Variants in MAST4 observed in about 807,000 individuals in gnomAD.
MAST4 encodes the protein microtubule associated serine/threonine kinase family member 4.
A neutral mutation model predicts 162.7 loss-of-function variants in MAST4; 89 were observed. The ratio of observed to expected loss-of-function variants is 0.55; its 90% CI spans 0.46 to 0.65. The LOEUF (loss-of-function observed/expected upper bound fraction) is 0.65. MAST4 is among the 30% of genes least tolerant of loss of function. The pLI is 0.00. For missense variants in MAST4, 3,153 were observed against 3,374.0 expected, an observed-to-expected ratio of 0.93 and a Z score of 1.62; for synonymous variants, 1,479 against 1,361.1, an observed-to-expected ratio of 1.09 and a Z score of -1.91.
intron 2 of MAST4, among the ~76,000 whole-genome samples, chr5:66,778,548 T>C (rs1754706995): frequency 6.6e-6 from 1 of 152,238 alleles, no homozygotes; most frequent in South Asian, 2.1e-4. Context: ...GAAATAGTTT[T>C]TTTATGAACA....
chr5:66,603,832 A>G (rs1425929340), intron 1 of MAST4, among the ~76,000 whole-genome samples: 1 of 152,210 alleles, frequency 6.6e-6, no homozygotes. Context: ...TAACATTTAC[A>G]CAACTTTGCA....
At chr5:66,976,888 A>G (rs977950090) in intron 4 of MAST4, among the ~76,000 whole-genome samples, 2 of 152,186 alleles carry the variant, frequency 1.3e-5, no homozygotes, top group African/African-American at 4.8e-5. Context: ...TCTAGTAGCC[A>G]CTGACCCCTA....
intron 1 of MAST4, among the ~76,000 whole-genome samples, chr5:66,758,451 C>G (rs956227824): frequency 2.0e-5 from 3 of 151,824 alleles, no homozygotes; most frequent in African/African-American, 7.3e-5. Flanking sequence ...GGGTCTTGCT[C>G]TGTTGCTCAT....
chr5:67,089,304 C>G (rs1182870510), intron 5 of MAST4, among the ~76,000 whole-genome samples: 1 of 152,198 alleles, frequency 6.6e-6, no homozygotes, highest in East Asian at 1.9e-4. Flanking sequence ...CCCTCGCCAG[C>G]TGCTGGCCAA....
chr5:66,800,579 A>T (rs552764302), intron 3 of MAST4, among the ~76,000 whole-genome samples: 1 of 152,114 alleles, frequency 6.6e-6, no homozygotes, highest in Non-Finnish European at 1.5e-5. Context: ...GATCAGGAAA[A>T]ATAACTAATG....
intron 3 of MAST4, among the ~76,000 whole-genome samples, chr5:66,842,531 G>A (rs1758503746): frequency 1.3e-5 from 2 of 152,034 alleles, no homozygotes; most frequent in African/African-American, 2.4e-5. Context: ...ACATTAGCTG[G>A]TAGCTCCTGG....
chr5:67,133,762 G>C lies in MAST4; in HGVS notation c.2226+116G>C, dbSNP rs904445216. 4.4e-6 allele frequency: 5 copies of C among 1,124,648 alleles called. No individual in the cohort carries two copies. In the Admixed American group the frequency reaches 1.3e-4, roughly 29 times the overall value. The allele number at this position is 1,124,648 out of a possible 1,614,324, so 69.7% of individuals were successfully genotyped here. A position where few individuals can be genotyped will look rare whatever the true frequency, so the allele number is the denominator to read the frequency against. On this transcript the variant is annotated intron_variant, in intron 17 of 28. Transcript: ENST00000403625. The stretch of plus-strand genomic sequence containing the variant: ...ATTAGTGCTGGTGGTTTAGATGTCT[G>C]TATAAACCTTACATTTAATAAAGTG...
intron 4 of MAST4, among the ~76,000 whole-genome samples, chr5:66,981,677 T>C (rs1453499476): frequency 6.6e-6 from 1 of 152,208 alleles, no homozygotes; most frequent in South Asian, 2.1e-4. Flanking sequence ...TAAACAGATT[T>C]GGGTTTTTGA....
chr5:66,849,815 A>G (rs996206506), intron 3 of MAST4, among the ~76,000 whole-genome samples: 2 of 152,198 alleles, frequency 1.3e-5, no homozygotes, highest in African/African-American at 4.8e-5. Context: ...GAGCTGTTCC[A>G]TTAGGAATCT....
chr5:66,776,121 A>C (rs1358586612), intron 2 of MAST4, among the ~76,000 whole-genome samples: 3 of 152,104 alleles, frequency 2.0e-5, no homozygotes, highest in Non-Finnish European at 4.4e-5. Flanking sequence ...GGAAATTTAG[A>C]CTTGTCTGGA....
intron 1 of MAST4, among the ~76,000 whole-genome samples, chr5:66,603,271 T>C (rs1742667538): frequency 6.6e-6 from 1 of 152,232 alleles, no homozygotes; most frequent in African/African-American, 2.4e-5. Context: ...TCATTAACCC[T>C]TCTGTTAAGA....
chr5:66,675,182 C>T (rs1338751152), intron 1 of MAST4, among the ~76,000 whole-genome samples: 2 of 152,208 alleles, frequency 1.3e-5, no homozygotes, highest in Admixed American at 1.3e-4. Flanking sequence ...TGTGCTCTAG[C>T]TGCCTGTGTT....
intron 3 of MAST4, among the ~76,000 whole-genome samples, chr5:66,796,141 C>T (rs541569957): frequency 6.6e-6 from 1 of 152,230 alleles, no homozygotes; most frequent in Admixed American, 6.5e-5. Context: ...GTCTGTAAAT[C>T]AAAGATCAGC....
chr5:66,735,302 G>T (rs1752092590), intron 1 of MAST4, among the ~76,000 whole-genome samples: 1 of 152,168 alleles, frequency 6.6e-6, no homozygotes, highest in Non-Finnish European at 1.5e-5. Flanking sequence ...GGTTAAAAAT[G>T]TAGATCTCAC....
At chr5:66,906,186 T>C (rs1316410048) in intron 4 of MAST4, among the ~76,000 whole-genome samples, 2 of 152,224 alleles carry the variant, frequency 1.3e-5, no homozygotes, top group African/African-American at 4.8e-5. Flanking sequence ...TTAAGATCTC[T>C]GTTTTAACGT....
intron 4 of MAST4, among the ~76,000 whole-genome samples, chr5:67,025,769 G>A (rs888787909): frequency 6.6e-6 from 1 of 152,212 alleles, no homozygotes; most frequent in African/African-American, 2.4e-5. Context: ...TTAAAACAAA[G>A]AAGAACTATA....
rs745712107 is a variant in MAST4 at position 67,095,686 on chromosome 5, G to A, written c.912+11G>A. On this transcript the variant is annotated intron_variant, in intron 7 of 28. Transcript: ENST00000403625. ...AGCTCTACGGTCTCTGTAAGTGCCTGACTTTTTTTTTTTTTTTCTCTTCCT... is the reference window on the plus strand; with the variant it reads ...AGCTCTACGGTCTCTGTAAGTGCCTAACTTTTTTTTTTTTTTTCTCTTCCT... The A allele has an allele frequency of 2.6e-6, 4 of 1,528,268 alleles. No individual in the cohort carries two copies. The East Asian group carries it at 6.9e-5, about 26-fold the overall frequency. 94.7% of individuals were successfully genotyped at this position (1,528,268 alleles called of 1,614,324 possible).
chr5:66,895,993 T>C (rs192398451), intron 3 of MAST4, among the ~76,000 whole-genome samples: 1 of 152,326 alleles, frequency 6.6e-6, no homozygotes, highest in East Asian at 1.9e-4. Flanking sequence ...GGTACATTGT[T>C]ATCATCTAAA....
At chr5:67,139,862 T>C (rs2151025480) in intron 19 of MAST4, among the ~76,000 whole-genome samples, 2 of 152,326 alleles carry the variant, frequency 1.3e-5, no homozygotes, top group South Asian at 4.1e-4. Context: ...GACCCACTGA[T>C]ACCAGCTTCT....
Sources: gnomAD v4.1 joint callset for allele counts (sites outside exome capture counted in the v4.1 genomes callset) on GRCh38, gnomAD v4.1.1 for gene constraint, MANE v1.5 for transcripts, NCBI Gene and HGNC (gene_info 2026-07-23, HGNC 2026-07-21) for gene names.